ANKFN1: variants seen among roughly 807,000 people sequenced by gnomAD.
ANKFN1 encodes ankyrin repeat and fibronectin type III domain containing 1.
Under a neutral mutation model 108.7 loss-of-function variants are expected in ANKFN1, and 74 were observed. The ratio of observed to expected loss-of-function variants is 0.68; its 90% CI spans 0.56 to 0.83. The LOEUF is 0.83. ANKFN1 is among the 40% of genes least tolerant of loss of function. The probability of loss-of-function intolerance (pLI) is 0.00; values close to 1 mark genes in which losing one functional copy is unlikely to be tolerated. For synonymous variants in ANKFN1, 547 were observed against 516.2 expected (o/e 1.06, Z -0.81); for missense variants, 1,505 against 1,382.3 (o/e 1.09, Z -1.41).
At chr17:56,316,908 G>A (rs2045223918) in intron 3 of ANKFN1, among the ~76,000 whole-genome samples, 1 of 152,134 alleles carries the variant, frequency 6.6e-6, no homozygotes, top group Non-Finnish European at 1.5e-5. Flanking sequence ...CCTGAATAGA[G>A]AATAGAATTC....
At chr17:56,326,486 G>T (rs2045520212) in intron 4 of ANKFN1, 131 bp downstream of exon 4, 1 of 1,183,764 alleles carries the variant, frequency 8.4e-7, no homozygotes, top group Non-Finnish European at 1.2e-6. Context: ...AAAGTTAGCT[G>T]CAGGTGGTCC....
intron 4 of ANKFN1, among the ~76,000 whole-genome samples, chr17:56,049,490 A>G (rs895413237): frequency 6.6e-6 from 1 of 151,774 alleles, no homozygotes; most frequent in African/African-American, 2.4e-5. Flanking sequence ...CGCTGCACCC[A>G]CTAACTCGTC....
At chr17:56,174,087 C>G (rs1371564099) in intron 1 of ANKFN1, 1 of 795,164 alleles carries the variant, frequency 1.3e-6, no homozygotes, top group Admixed American at 6.2e-5. Flanking sequence ...GCCATTGCTG[C>G]CTTCCAAGAA....
intron 1 of ANKFN1, 76 bp downstream of exon 1, chr17:56,153,606 T>A: frequency 6.3e-7 from 1 of 1,579,868 alleles, no homozygotes. Context: ...GGCAGGAAAA[T>A]GTGAGTTGAG....
At chr17:56,488,738 G>T (rs1483206701) in intron 18 of ANKFN1, among the ~76,000 whole-genome samples, 1 of 152,206 alleles carries the variant, frequency 6.6e-6, no homozygotes, top group Non-Finnish European at 1.5e-5. Flanking sequence ...ACCCCAGGAG[G>T]TTATCTTGTT....
chr17:56,210,547 A>G (rs1420263020), intron 1 of ANKFN1, among the ~76,000 whole-genome samples: 1 of 152,126 alleles, frequency 6.6e-6, no homozygotes, highest in East Asian at 1.9e-4. Context: ...TCTTTTGACA[A>G]ATGTCGATTT....
At chr17:56,204,675 A>G (rs1191734611) in intron 1 of ANKFN1, among the ~76,000 whole-genome samples, 1 of 152,154 alleles carries the variant, frequency 6.6e-6, no homozygotes, top group Non-Finnish European at 1.5e-5. Context: ...TACGGATTGG[A>G]AACCACTGTC....
intron 4 of ANKFN1, among the ~76,000 whole-genome samples, chr17:56,082,728 T>A (rs1250225958): frequency 6.6e-6 from 1 of 152,218 alleles, no homozygotes; most frequent in Non-Finnish European, 1.5e-5. Flanking sequence ...GGGAGGTGGA[T>A]GGGCTTGATC....
At chr17:56,339,248 C>G (rs760805225) in intron 4 of ANKFN1, among the ~76,000 whole-genome samples, 149 of 151,942 alleles carry the variant, frequency 9.8e-4, no homozygotes, top group Non-Finnish European at 2.0e-3. Context: ...AGTTTATGCT[C>G]TCTTTATATT....
Position 56,192,095 on chromosome 17 carries a change from T to C in ANKFN1, c.-70-20503T>C, listed in dbSNP as rs547845391. Among the ~76,000 whole-genome samples, 251 of 152,176 alleles carry C rather than the reference T, an allele frequency of 1.6e-3. 3 individuals are homozygous for C. Among genetic ancestry groups the C allele is most frequent in the African/African-American group, 5.8e-3 (240 of 41,486 alleles). On this transcript the variant is annotated intron_variant, in intron 1 of 20. Coordinates refer to ENST00000682825, the MANE Select transcript of ANKFN1 (RefSeq NM_001370326.1). The stretch of plus-strand genomic sequence containing the variant: ...AGAACAGAGCCCTCAGAAATAACGC[T>C]GCTTACCTACAACTATCTGATCTTT...
chr17:56,389,821 C>T (rs1322011259), intron 8 of ANKFN1, among the ~76,000 whole-genome samples: 7 of 152,086 alleles, frequency 4.6e-5, no homozygotes, highest in African/African-American at 1.4e-4. Flanking sequence ...AAGGCAGAAA[C>T]TGTGTCTTTT....
intron 1 of ANKFN1, among the ~76,000 whole-genome samples, chr17:56,169,716 G>GACA (rs1910477358): frequency 1.3e-5 from 2 of 152,204 alleles, no homozygotes; most frequent in South Asian, 4.1e-4. Context: ...GATCCCAGGA[G>GACA]ACAGCGCCAA....
intron 3 of ANKFN1, among the ~76,000 whole-genome samples, chr17:56,300,300 GA>G (rs2044636545): frequency 6.6e-6 from 1 of 152,200 alleles, no homozygotes; most frequent in Non-Finnish European, 1.5e-5. Flanking sequence ...GTCGCTCGAT[GA>G]GGGCACAGGG....
At chr17:56,469,474 G>C (rs567883688) in intron 15 of ANKFN1, among the ~76,000 whole-genome samples, 1 of 152,124 alleles carries the variant, frequency 6.6e-6, no homozygotes, top group Non-Finnish European at 1.5e-5. Flanking sequence ...TTTCTCAGGG[G>C]TGGTGGAGTG....
intron 17 of ANKFN1, among the ~76,000 whole-genome samples, chr17:56,481,514 A>ACG (rs1342428178): frequency 8.1e-6 from 1 of 123,636 alleles, no homozygotes; most frequent in East Asian, 3.0e-4. Flanking sequence ...ACACACACGC[A>ACG]CACACACACA....
intron 4 of ANKFN1, among the ~76,000 whole-genome samples, chr17:56,120,885 A>C (rs936982544): frequency 6.6e-6 from 1 of 152,182 alleles, no homozygotes; most frequent in Admixed American, 6.6e-5. Context: ...TTTGATACCT[A>C]TAACCCTTGC....
intron 4 of ANKFN1, among the ~76,000 whole-genome samples, chr17:56,139,701 A>G (rs1394669733): frequency 2.0e-5 from 3 of 152,206 alleles, no homozygotes; most frequent in African/African-American, 7.2e-5. Flanking sequence ...GAGGCTGCTC[A>G]GAAGTCACTG....
At chr17:56,171,858 A>T (rs1013257402) in intron 1 of ANKFN1, among the ~76,000 whole-genome samples, 2 of 152,216 alleles carry the variant, frequency 1.3e-5, no homozygotes, top group South Asian at 4.1e-4. Context: ...AGAAACTCCT[A>T]GCTAGCAGGG....
chr17:56,500,330 T>G (rs964399383), intron 20 of ANKFN1, among the ~76,000 whole-genome samples: 4 of 152,176 alleles, frequency 2.6e-5, no homozygotes, highest in Admixed American at 6.6e-5. Flanking sequence ...AAGTCAAAAC[T>G]TGGCAAGTGG....
Sources: allele counts gnomAD v4.1 joint callset (sites outside exome capture counted in the v4.1 genomes callset), GRCh38; gene constraint gnomAD v4.1.1; transcripts MANE v1.5; gene names NCBI Gene and HGNC (gene_info 2026-07-23, HGNC 2026-07-21).